FAM53A: variants seen among roughly 807,000 people sequenced by gnomAD.
The protein encoded by FAM53A is family with sequence similarity 53 member A, also known as protein FAM53A.
Under a neutral mutation model 26.6 loss-of-function variants are expected in FAM53A, and 28 were observed. The ratio of observed to expected loss-of-function variants is 1.05; its 90% CI spans 0.78 to 1.45. The LOEUF (loss-of-function observed/expected upper bound fraction) is 1.45. FAM53A is among the 40% of genes most tolerant of loss of function. The probability of loss-of-function intolerance (pLI) is 0.00; values close to 1 mark genes in which losing one functional copy is unlikely to be tolerated. For synonymous variants in FAM53A, 290 were observed against 253.1 expected (o/e 1.15, Z -1.38); for missense variants, 650 against 575.8 (o/e 1.13, Z -1.32).
In FAM53A at chr4:1,655,715, G is replaced by C. The variant is rs752484281; in HGVS notation, c.145C>G (p.Pro49Ala). The change falls in exon 4 of 5, where the codon CCC (proline) becomes GCC (alanine). Residue 49 changes from proline (P) to alanine (A), a missense_variant. Coordinates refer to ENST00000308132, the MANE Select transcript of FAM53A (RefSeq NM_001174070.3). ...GGTCCTCCACTGAAGACCTTCCAGG[G>C]ACTCTGGTCTACAAAAAAAGACACA... ...LFPLELNDQS[P>A]WKVFSGGPPV... 6.4e-7 allele frequency: 1 copy of C among 1,567,028 alleles called. No homozygotes were observed. Among genetic ancestry groups the C allele is most frequent in the Non-Finnish European group, 8.6e-7 (1 of 1,163,622 alleles).
At chr4:1,593,568 G>A in the FAM53A span, among the ~76,000 whole-genome samples, 2 of 152,196 alleles carry the variant, frequency 1.3e-5, no homozygotes, top group African/African-American at 2.4e-5. Flanking sequence ...TAGGGCTTGC[G>A]GGATGAGGGA....
chr4:1,588,072 C>T, the FAM53A span, among the ~76,000 whole-genome samples: 1 of 152,204 alleles, frequency 6.6e-6, no homozygotes, highest in Admixed American at 6.5e-5. Flanking sequence ...GGAATACTAG[C>T]ATCCTTAATG....
At chr4:1,611,601 G>A in the FAM53A span, among the ~76,000 whole-genome samples, 3 of 152,256 alleles carry the variant, frequency 2.0e-5, no homozygotes, top group African/African-American at 7.2e-5. Context: ...AGGTACCAAG[G>A]CCTGGGCGGG....
chr4:1,576,960 G>A, the FAM53A span, among the ~76,000 whole-genome samples: 2 of 152,090 alleles, frequency 1.3e-5, no homozygotes, highest in African/African-American at 4.8e-5. Context: ...GCCTTCCAAG[G>A]GTGCCCCCGC....
At chr4:1,667,330 A>T (rs1335994442) in intron 2 of FAM53A, among the ~76,000 whole-genome samples, 1 of 152,176 alleles carries the variant, frequency 6.6e-6, no homozygotes, top group Non-Finnish European at 1.5e-5. Context: ...AGAACCGGCC[A>T]CAGCATCTGG....
chr4:1,653,011 A>C (rs1029666882), intron 4 of FAM53A, among the ~76,000 whole-genome samples: 5 of 150,636 alleles, frequency 3.3e-5, no homozygotes, highest in Non-Finnish European at 7.4e-5. Flanking sequence ...CACACACATC[A>C]CACACCACAC....
At chr4:1,675,579 G>C (rs997378147) in intron 1 of FAM53A, among the ~76,000 whole-genome samples, 1 of 152,132 alleles carries the variant, frequency 6.6e-6, no homozygotes, top group Non-Finnish European at 1.5e-5. Context: ...TGACTTAGCC[G>C]ACAACCCCAG....
downstream of FAM53A, among the ~76,000 whole-genome samples, chr4:1,637,318 A>T (rs1165961953): frequency 6.6e-6 from 1 of 152,160 alleles, no homozygotes; most frequent in African/African-American, 2.4e-5. Flanking sequence ...CTGCCACCCC[A>T]CGCTGCCAGG....
downstream of FAM53A, among the ~76,000 whole-genome samples, chr4:1,617,635 A>C (rs1412713510): frequency 6.6e-6 from 1 of 152,160 alleles, no homozygotes; most frequent in East Asian, 1.9e-4. Context: ...CTGATGTTCC[A>C]AGGTTTCTTC....
At chr4:1,594,112 G>A in the FAM53A span, among the ~76,000 whole-genome samples, 1 of 152,184 alleles carries the variant, frequency 6.6e-6, no homozygotes, top group Non-Finnish European at 1.5e-5. Flanking sequence ...TGCCAGCAGG[G>A]CAGCCAAGCC....
the FAM53A span, among the ~76,000 whole-genome samples, chr4:1,598,442 G>A: frequency 6.6e-6 from 1 of 152,342 alleles, no homozygotes; most frequent in African/African-American, 2.4e-5. Flanking sequence ...AGAGGCTGAC[G>A]GGGGCCGCAA....
the FAM53A span, among the ~76,000 whole-genome samples, chr4:1,579,960 A>G: frequency 6.6e-6 from 1 of 152,246 alleles, no homozygotes; most frequent in Non-Finnish European, 1.5e-5. Context: ...ATAAAAATAA[A>G]AAAGTTAATT....
intron 1 of FAM53A, among the ~76,000 whole-genome samples, chr4:1,620,274 T>C (rs12501249): frequency 0.24 from 35,971 of 151,594 alleles, 5,137 homozygotes; most frequent in Admixed American, 0.35. Flanking sequence ...TTATTTCCCA[T>C]AACAGACCTT....
chr4:1,632,135 G>C (rs1715633681), intron 1 of FAM53A, among the ~76,000 whole-genome samples: 1 of 144,926 alleles, frequency 6.9e-6, no homozygotes, highest in Non-Finnish European at 1.5e-5. Context: ...CTGCACTCCA[G>C]CCTGGGTGAC....
chr4:1,618,016 A>G (rs1410491189), exon 2 of FAM53A: 5 of 456,234 alleles, frequency 1.1e-5, no homozygotes, highest in Admixed American at 2.3e-5. Flanking sequence ...AGAGCCGACC[A>G]GTGAGGAGAC....
Position 1,654,978 on chromosome 4 carries a change from C to G in FAM53A, c.882G>C (p.Gln294His). Reference protein sequence around the residue: ...RPSLDFLKMTQTLKNSKSLCS... With the variant: ...RPSLDFLKMTHTLKNSKSLCS... ...GCCCCTGGAAATAAGAAAGCCTCAC[C>G]TGGGTCATTTTCAGGAAGTCCAAGG... The change falls in exon 4 of 5, where the codon CAG (glutamine) becomes CAC (histidine). Residue 294 changes from glutamine (Q) to histidine (H), a missense_variant and splice_region_variant. Gln to His is a conservative substitution (Grantham distance 24). Transcript: ENST00000308132. 1.3e-6 allele frequency: 2 copies of G among 1,517,040 alleles called. No individual in the cohort carries two copies. Among genetic ancestry groups the G allele is most frequent in the Non-Finnish European group, 1.8e-6 (2 of 1,130,362 alleles). 94.0% of individuals were successfully genotyped at this position (1,517,040 alleles called of 1,614,324 possible). A position where few individuals can be genotyped will look rare whatever the true frequency, so the allele number is the denominator to read the frequency against.
chr4:1,641,200 G>A lies in FAM53A; in HGVS notation c.*93C>T, dbSNP rs1194795612. On this transcript the variant is annotated 3_prime_UTR_variant, in exon 5 of 5. Coordinates refer to ENST00000308132, the MANE Select transcript of FAM53A (RefSeq NM_001174070.3). Reference sequence around the variant, plus strand: ...TACTCTGTGCCCCAGGGCAGGTGCCGGGCCGTGGCCCCGACCAGCTCACAG... The same window carrying A: ...TACTCTGTGCCCCAGGGCAGGTGCCAGGCCGTGGCCCCGACCAGCTCACAG... The A allele has an allele frequency of 5.8e-5, 48 of 822,988 alleles. 8 individuals carry two copies. Among genetic ancestry groups the A allele is most frequent in the African/African-American group, 1.5e-4 (3 of 20,116 alleles). The allele number at this position is 822,988 out of a possible 1,614,324, so 51.0% of individuals were successfully genotyped here.
At chr4:1,642,669 A>ACCCCCCCCCCCC (rs543227706) in intron 4 of FAM53A, among the ~76,000 whole-genome samples, 1 of 91,778 alleles carries the variant, frequency 1.1e-5, no homozygotes, top group Non-Finnish European at 2.3e-5. Context: ...CCGGGCCCCC[A>ACCCCCCCCCCCC]CCCCCCGCCA....
At chr4:1,651,082 T>C (rs1010310482) in intron 4 of FAM53A, among the ~76,000 whole-genome samples, 1 of 151,086 alleles carries the variant, frequency 6.6e-6, no homozygotes, top group Non-Finnish European at 1.5e-5. Context: ...CTGGGCGTGA[T>C]GGTGGGCACC....
Sources: gnomAD v4.1 joint callset for allele counts (sites outside exome capture counted in the v4.1 genomes callset) on GRCh38, gnomAD v4.1.1 for gene constraint, MANE v1.5 for transcripts, NCBI Gene and HGNC (gene_info 2026-07-23, HGNC 2026-07-21) for gene names.